Variants in NAPEPLD observed in about 807,000 individuals in gnomAD.
NAPEPLD encodes the protein N-acyl-phosphatidylethanolamine-hydrolyzing phospholipase D.
Under a neutral mutation model 38.1 loss-of-function variants are expected in NAPEPLD, and 23 were observed. The ratio of observed to expected loss-of-function variants is 0.60; its 90% CI spans 0.43 to 0.86. NAPEPLD has a LOEUF of 0.86. Ranked by LOEUF, NAPEPLD falls within the 40% of genes least tolerant of loss-of-function variation. The pLI is 0.00. For synonymous variants in NAPEPLD, 147 were observed against 162.0 expected (o/e 0.91, Z 0.71); for missense variants, 411 against 476.8 (o/e 0.86, Z 1.28).
At chr7:103,128,364 A>G in intron 2 of NAPEPLD, 119 bp downstream of exon 2, 1 of 1,199,020 alleles carries the variant, frequency 8.3e-7, no homozygotes. Context: ...CCTAGGTTAC[A>G]CCTATCCACT....
intron 1 of NAPEPLD, chr7:103,129,211 G>T: frequency 3.0e-6 from 2 of 657,214 alleles, no homozygotes; most frequent in African/African-American, 1.9e-5. Flanking sequence ...GTTGTGGTGA[G>T]CTGAGATCAC....
At chr7:103,136,470 C>A (rs1391485055) in intron 1 of NAPEPLD, among the ~76,000 whole-genome samples, 1 of 151,510 alleles carries the variant, frequency 6.6e-6, no homozygotes, top group Admixed American at 6.6e-5. Flanking sequence ...ACCTGTAGTC[C>A]CAGCTACTTG....
intron 1 of NAPEPLD, among the ~76,000 whole-genome samples, chr7:103,138,551 C>G (rs1256286422): frequency 6.6e-6 from 1 of 151,900 alleles, no homozygotes; most frequent in Admixed American, 6.6e-5. Context: ...TCACTGCAAC[C>G]TCCACCTCCC....
chr7:103,147,113 T>C (rs1310650653), intron 1 of NAPEPLD, among the ~76,000 whole-genome samples: 15 of 152,144 alleles, frequency 9.9e-5, no homozygotes. Context: ...AAATACACAA[T>C]AAATGGTTAA....
intron 1 of NAPEPLD, among the ~76,000 whole-genome samples, chr7:103,146,727 G>A (rs531005147): frequency 3.9e-5 from 6 of 152,104 alleles, no homozygotes; most frequent in Admixed American, 3.3e-4. Flanking sequence ...GCTGACCAAC[G>A]CTTGCTAATC....
Position 103,103,500 on chromosome 7 carries a change from T to C in NAPEPLD, c.1111A>G (p.Asn371Asp). 1 of 1,600,184 alleles carries C rather than the reference T, an allele frequency of 6.2e-7. No homozygotes were observed. The highest frequency in any genetic ancestry group is 8.5e-7 in the Non-Finnish European group (1 of 1,176,610). The change falls in exon 5 of 5, where the codon AAC becomes GAC. Residue 371 changes from asparagine (N) to aspartate (D), a missense_variant. Transcript: ENST00000465647. Reference protein sequence around the residue: ...LNEALERYGLNAEDFFVLKHG... With the variant: ...LNEALERYGLDAEDFFVLKHG... ...TTCAAGACAAAAAAATCTTCAGCGT[T>C]AAGTCCGTATCTCTCTAGAGCTTCA... is the stretch of plus-strand genomic sequence containing the variant.
chr7:103,108,287 C>T lies in NAPEPLD; in HGVS notation c.1057-4733G>A, dbSNP rs185811106. Among the ~76,000 whole-genome samples the T allele has an allele frequency of 2.9e-3, 437 of 152,172 alleles. 1 individual carries two copies. The highest frequency in any genetic ancestry group is 9.7e-3 in the African/African-American group (403 of 41,500). ...CCTCCTGAGTAGTTGGGATCACAGG[C>T]GTGCGCCACAACACCCAGTTAATTT... On this transcript the variant is annotated intron_variant, in intron 4 of 4. Coordinates refer to ENST00000465647, the MANE Select transcript of NAPEPLD (RefSeq NM_001122838.3).
chr7:103,141,263 TTTGCAAGCAGATAAAGGC>T, intron 1 of NAPEPLD: 1 of 125,468 alleles, frequency 8.0e-6, no homozygotes, highest in Admixed American at 1.1e-4. Context: ...TTTTTTTTTT[TTTGCAAGCAGATAAAGGC>T]TTATTTTACT....
At chr7:103,134,856 C>G (rs1809710812) in intron 1 of NAPEPLD, among the ~76,000 whole-genome samples, 1 of 152,032 alleles carries the variant, frequency 6.6e-6, no homozygotes. Flanking sequence ...ACAAGTCAGC[C>G]AAGTACAAAT....
chr7:103,148,755 T>C (rs1301798524), intron 1 of NAPEPLD, 56 bp downstream of exon 1: 1 of 947,764 alleles, frequency 1.1e-6, no homozygotes, highest in Non-Finnish European at 1.3e-6. Context: ...AATAAGTTGC[T>C]CGGAGGAAGT....
At position 103,132,778 on chromosome 7, in the gene NAPEPLD, C is replaced by A. The variant is rs542887293; in HGVS notation, c.-16-3986G>T. 4.8e-3 allele frequency among the ~76,000 whole-genome samples: 722 copies of A among 151,986 alleles called. 5 individuals are homozygous for A. The highest frequency in any genetic ancestry group is 0.016 in the African/African-American group (683 of 41,460). ...CCAGCCTGGGCGACAGAGCGAGACT[C>A]CGTCTCAAAGAAAGAAAGAAAGAAA... On this transcript the variant is annotated intron_variant, in intron 1 of 4. Transcript: ENST00000465647.
intron 1 of NAPEPLD, among the ~76,000 whole-genome samples, chr7:103,132,158 T>C (rs963897215): frequency 2.6e-5 from 4 of 151,968 alleles, no homozygotes; most frequent in Non-Finnish European, 5.9e-5. Flanking sequence ...GGGAGATGGA[T>C]TGAATGAAAA....
rs973964433 is a variant in NAPEPLD, at chr7:103,138,300, C to T, written c.-16-9508G>A. The stretch of plus-strand genomic sequence containing the variant: ...CTCTACTATCTCCATCTCATAATTA[C>T]GTATACAAAAAGAAAACCTTCCAAT... On this transcript the variant is annotated intron_variant, in intron 1 of 4. Coordinates refer to ENST00000465647, the MANE Select transcript of NAPEPLD (RefSeq NM_001122838.3). 4.6e-5 allele frequency among the ~76,000 whole-genome samples: 7 copies of T among 151,998 alleles called. No individual in the cohort carries two copies. The South Asian group carries it at 6.2e-4, about 14-fold the overall frequency.
chr7:103,119,427 T>C (rs1046305367), intron 3 of NAPEPLD, 150 bp downstream of exon 3: 13 of 589,022 alleles, frequency 2.2e-5, no homozygotes, highest in African/African-American at 2.1e-4. Flanking sequence ...TAAAATCTAA[T>C]TGAATCTGAC....
At chr7:103,134,384 T>C (rs1809599336) in intron 1 of NAPEPLD, among the ~76,000 whole-genome samples, 1 of 152,170 alleles carries the variant, frequency 6.6e-6, no homozygotes, top group African/African-American at 2.4e-5. Context: ...GCACAGTGGC[T>C]CATGCCTGTA....
chr7:103,106,513 G>A (rs1803386383), intron 4 of NAPEPLD, among the ~76,000 whole-genome samples: 3 of 152,164 alleles, frequency 2.0e-5, no homozygotes, highest in Admixed American at 6.5e-5. Context: ...TGAAATTTTC[G>A]CTGCCAGCAC....
At chr7:103,129,295 A>G (rs915520841) in intron 1 of NAPEPLD, 1 of 984,212 alleles carries the variant, frequency 1.0e-6, no homozygotes, top group African/African-American at 1.7e-5. Flanking sequence ...CTATTAACAT[A>G]ACTGCCAAGC....
intron 1 of NAPEPLD, among the ~76,000 whole-genome samples, chr7:103,142,527 A>G (rs1286876587): frequency 6.6e-6 from 1 of 152,096 alleles, no homozygotes; most frequent in Non-Finnish European, 1.5e-5. Flanking sequence ...AATCACTTGA[A>G]CCAGGGAGGC....
chr7:103,124,064 G>A lies in NAPEPLD; in HGVS notation c.295-3841C>T, dbSNP rs867855744. ...TGCCTGTAATCCCAACACTTCAGGA[G>A]GCCTAGGCTAGAAGACTGCTTGAGG... On this transcript the variant is annotated intron_variant, in intron 2 of 4. Transcript: ENST00000465647. Among the ~76,000 whole-genome samples, 8 of 152,244 alleles carry A rather than the reference G, an allele frequency of 5.3e-5. 1 individual carries two copies. Among genetic ancestry groups the A allele is most frequent in the Admixed American group, 2.6e-4 (4 of 15,290 alleles).
Sources: gnomAD v4.1 joint callset for allele counts (sites outside exome capture counted in the v4.1 genomes callset) on GRCh38, gnomAD v4.1.1 for gene constraint, MANE v1.5 for transcripts, NCBI Gene and HGNC (gene_info 2026-07-23, HGNC 2026-07-21) for gene names.